WASHC4: variants seen among roughly 807,000 people sequenced by gnomAD.
WASHC4 encodes WASH complex subunit 7.
In WASHC4, 86 loss-of-function variants were observed where a neutral mutation model predicts 166.6. That is an observed-to-expected ratio of 0.52 (90% CI 0.43 to 0.62). The LOEUF (loss-of-function observed/expected upper bound fraction) is 0.62, where lower values mean the gene tolerates loss of function less well. Ranked by LOEUF, WASHC4 falls within the 20% of genes least tolerant of loss-of-function variation. The probability of loss-of-function intolerance (pLI) is 0.00; values close to 1 mark genes in which losing one functional copy is unlikely to be tolerated. For synonymous variants in WASHC4, 446 were observed against 451.6 expected (o/e 0.99, Z 0.16); for missense variants, 1,262 against 1,382.4 (o/e 0.91, Z 1.38).
At chr12:105,128,649 C>G (rs1306142066) in intron 13 of WASHC4, among the ~76,000 whole-genome samples, 2 of 152,134 alleles carry the variant, frequency 1.3e-5, no homozygotes, top group Non-Finnish European at 2.9e-5. Flanking sequence ...GGATGCTGAA[C>G]TGGTAAGTAT....
At chr12:105,115,780 A>G (rs1478626573) in intron 6 of WASHC4, 52 bp downstream of exon 6, 2 of 1,117,844 alleles carry the variant, frequency 1.8e-6, no homozygotes, top group Non-Finnish European at 1.4e-6. Flanking sequence ...GTTTGAGTAA[A>G]TTACACAACA....
chr12:105,142,987 AG>A (rs1882996287), intron 19 of WASHC4, 139 bp from the exon 20 acceptor site: 1 of 644,324 alleles, frequency 1.6e-6, no homozygotes, highest in East Asian at 2.8e-5. Flanking sequence ...CTTTTTCTTT[AG>A]GAAAGTTAAG....
In WASHC4 at chr12:105,114,364, C is replaced by G. The variant is rs1407047215; in HGVS notation, c.258C>G (p.Val86=). ...LLELIKTENK[V]LNKVITVYAA... ...TTTGTTTTTACTCATGAAACTAGGT[C>G]TTAAACAAAGTCATCACTGTTTATG... Residue 86 remains valine (V), a splice_region_variant and synonymous_variant, in exon 4 of 33, where the codon GTC becomes GTG. Transcript: ENST00000332180. 6.2e-7 allele frequency: 1 copy of G among 1,600,008 alleles called. No homozygotes were observed. Among genetic ancestry groups the G allele is most frequent in the Admixed American group, 1.7e-5 (1 of 59,236 alleles).
At chr12:105,112,068 C>T (rs1879728577) in intron 2 of WASHC4, among the ~76,000 whole-genome samples, 1 of 137,654 alleles carries the variant, frequency 7.3e-6, no homozygotes, top group Non-Finnish European at 1.6e-5. Flanking sequence ...CATGGCATAC[C>T]TGCCCTAGGC....
chr12:105,130,438 A>G (rs1881694211), intron 13 of WASHC4, among the ~76,000 whole-genome samples: 1 of 152,268 alleles, frequency 6.6e-6, no homozygotes, highest in African/African-American at 2.4e-5. Flanking sequence ...GACTTATCAC[A>G]TGATGAGATT....
chr12:105,164,383 A>G (rs1884680508), intron 31 of WASHC4, 76 bp downstream of exon 31: 1 of 1,299,536 alleles, frequency 7.7e-7, no homozygotes, highest in African/African-American at 1.5e-5. Flanking sequence ...TCTGAAAAGC[A>G]GAAGCCATAT....
intron 15 of WASHC4, 128 bp from the exon 16 acceptor site, chr12:105,140,166 A>C (rs1882706765): frequency 2.7e-6 from 2 of 730,920 alleles, no homozygotes; most frequent in Non-Finnish European, 2.4e-6. Flanking sequence ...CCACCACGCC[A>C]GGACTGTAAG....
chr12:105,142,018 AT>A (rs11306074), intron 18 of WASHC4, among the ~76,000 whole-genome samples: 133,713 of 143,436 alleles, frequency 0.93, 62,100 homozygotes, highest in East Asian at 1. Flanking sequence ...GGGGGTCACA[AT>A]TTTTTTTTTT....
intron 14 of WASHC4, among the ~76,000 whole-genome samples, chr12:105,137,408 A>C (rs1288203483): frequency 6.6e-6 from 1 of 152,088 alleles, no homozygotes; most frequent in Non-Finnish European, 1.5e-5. Context: ...GGAACTCAAA[A>C]ATTTCTTTGC....
chr12:105,153,820 T>C (rs1883950051), intron 26 of WASHC4, among the ~76,000 whole-genome samples: 1 of 152,066 alleles, frequency 6.6e-6, no homozygotes, highest in Non-Finnish European at 1.5e-5. Context: ...TTTTTGAGAG[T>C]ATAATTTTTC....
intron 13 of WASHC4, among the ~76,000 whole-genome samples, chr12:105,132,197 C>G (rs1441426246): frequency 5.9e-5 from 9 of 152,224 alleles, no homozygotes; most frequent in Non-Finnish European, 7.3e-5. Context: ...GAGACGGAGT[C>G]TCGCTCTGTC....
chr12:105,136,216 A>G (rs1392231552), intron 14 of WASHC4, among the ~76,000 whole-genome samples: 1 of 152,046 alleles, frequency 6.6e-6, no homozygotes, highest in Non-Finnish European at 1.5e-5. Flanking sequence ...ATGAGCCCCA[A>G]GCTCCTGTTT....
intron 18 of WASHC4, 72 bp downstream of exon 18, chr12:105,141,318 A>G (rs1422360983): frequency 7.5e-6 from 8 of 1,059,916 alleles, no homozygotes; most frequent in Middle Eastern, 4.7e-4. Flanking sequence ...TCTTTTTAGC[A>G]TAGCAAGAGA....
Position 105,143,213 on chromosome 12 carries a change from T to A in WASHC4, c.1980T>A (p.Tyr660Ter). The A allele has an allele frequency of 6.2e-7, 1 of 1,600,318 alleles. No homozygotes were observed. The highest frequency in any genetic ancestry group is 8.6e-7 in the Non-Finnish European group (1 of 1,167,800). The part of the protein sequence containing the change: ...LESYEILLDC[Y>*]DKEIMEILNE... ...CCTATGAGATACTTCTGGATTGCTA[T>A]GACAAGGAAATTATGGAAATTTTAA... Residue 660 changes from tyrosine to a stop codon, truncating the protein, a stop_gained, in exon 20 of 33, where the codon TAT becomes TAA. Transcript: ENST00000332180. LOFTEE classifies it high-confidence loss of function.
At chr12:105,146,413 A>G (rs774114725) in intron 22 of WASHC4, 39 bp from the exon 23 acceptor site, 4 of 1,151,220 alleles carry the variant, frequency 3.5e-6, no homozygotes, top group East Asian at 2.3e-5. Flanking sequence ...GATTATTTTA[A>G]TGAATTATAA....
chr12:105,139,360 A>G (rs769492832), intron 15 of WASHC4, among the ~76,000 whole-genome samples: 66 of 148,556 alleles, frequency 4.4e-4, no homozygotes, highest in Non-Finnish European at 8.2e-4. Flanking sequence ...TGTGTTACGT[A>G]TATGTTCACC....
intron 29 of WASHC4, among the ~76,000 whole-genome samples, chr12:105,161,871 T>C (rs1336549024): frequency 2.6e-5 from 4 of 152,246 alleles, no homozygotes; most frequent in African/African-American, 9.6e-5. Context: ...TATCCATGTA[T>C]AGTCACATGT....
At chr12:105,145,994 G>A (rs1883262360) in intron 22 of WASHC4, among the ~76,000 whole-genome samples, 1 of 152,024 alleles carries the variant, frequency 6.6e-6, no homozygotes, top group Admixed American at 6.6e-5. Context: ...GTCACCTGTG[G>A]AATTTAGAAG....
At chr12:105,150,199 C>T (rs1248400278) in intron 25 of WASHC4, among the ~76,000 whole-genome samples, 1 of 152,176 alleles carries the variant, frequency 6.6e-6, no homozygotes, top group Non-Finnish European at 1.5e-5. Flanking sequence ...GTGCTCATCA[C>T]GTCAGTACAT....
Sources: gnomAD v4.1 joint callset for allele counts (sites outside exome capture counted in the v4.1 genomes callset) on GRCh38, gnomAD v4.1.1 for gene constraint, MANE v1.5 for transcripts, NCBI Gene and HGNC (gene_info 2026-07-23, HGNC 2026-07-21) for gene names.